Variants in CKAP5 observed in about 807,000 individuals in gnomAD.
CKAP5 encodes cytoskeleton associated protein 5.
Under a neutral mutation model 232.8 loss-of-function variants are expected in CKAP5, and 27 were observed. The ratio of observed to expected loss-of-function variants is 0.12; its 90% CI spans 0.09 to 0.16. The LOEUF (loss-of-function observed/expected upper bound fraction) is 0.16. Ranked by LOEUF, CKAP5 falls within the 10% of genes least tolerant of loss-of-function variation. The pLI, the probability that CKAP5 is intolerant of heterozygous loss-of-function variation, is 1.00. For synonymous variants in CKAP5, 785 were observed against 841.1 expected (o/e 0.93, Z 1.16); for missense variants, 1,838 against 2,424.7 (o/e 0.76, Z 5.08).
At position 46,845,394 on chromosome 11, in the gene CKAP5, T is replaced by C. The variant is rs73456194; in HGVS notation, c.-38+826A>G. Among the ~76,000 whole-genome samples, 295 of 152,314 alleles carry C rather than the reference T, an allele frequency of 1.9e-3. 1 individual carries two copies. The highest frequency in any genetic ancestry group is 6.8e-3 in the African/African-American group (284 of 41,570). Reference sequence around the variant, plus strand: ...ATAAAAAACTCATTGTTAAGATTCATCAACACGAATATATTTTCTAACACA... The same window carrying C: ...ATAAAAAACTCATTGTTAAGATTCACCAACACGAATATATTTTCTAACACA... On this transcript the variant is annotated intron_variant, in intron 1 of 43. Transcript: ENST00000529230.
intron 37 of CKAP5, 81 bp from the exon 38 acceptor site, chr11:46,752,791 G>T: frequency 9.9e-7 from 1 of 1,015,004 alleles, no homozygotes; most frequent in Non-Finnish European, 1.5e-6. Context: ...GGGCAAGTGA[G>T]ATTACTCTAT....
Position 46,821,259 on chromosome 11 carries a change from A to G in CKAP5, c.-28T>C. Reference sequence around the variant, plus strand: ...TGCTTCCAGGTTTTCCTTAGAATTAAGAGTATTTCCTGGTCAGATAAAGGT... The same window carrying G: ...TGCTTCCAGGTTTTCCTTAGAATTAGGAGTATTTCCTGGTCAGATAAAGGT... On this transcript the variant is annotated 5_prime_UTR_variant, in exon 2 of 44. Transcript: ENST00000529230. 1.3e-6 allele frequency: 2 copies of G among 1,576,180 alleles called. No individual in the cohort carries two copies. Among genetic ancestry groups the G allele is most frequent in the Non-Finnish European group, 1.7e-6 (2 of 1,146,044 alleles).
At position 46,804,889 on chromosome 11, in the gene CKAP5, G is replaced by A. The variant is rs1349754061; in HGVS notation, c.978+3142C>T. Among the ~76,000 whole-genome samples the A allele has an allele frequency of 5.3e-5, 8 of 151,508 alleles. No individual in the cohort carries two copies. The East Asian group carries it at 1.4e-3, about 26-fold the overall frequency. ...AAAAATCAAATGTCCATAGGCATAGGCACATGACAAAATCAAAGAAGCGAT... is the reference window on the plus strand; with the variant it reads ...AAAAATCAAATGTCCATAGGCATAGACACATGACAAAATCAAAGAAGCGAT... On this transcript the variant is annotated intron_variant, in intron 8 of 43. Transcript: ENST00000529230.
chr11:46,793,775 T>A (rs909783276), intron 13 of CKAP5, among the ~76,000 whole-genome samples: 1 of 151,872 alleles, frequency 6.6e-6, no homozygotes, highest in African/African-American at 2.4e-5. Context: ...ATAGAAAAAA[T>A]TAGCTGGGCA....
In CKAP5 at chr11:46,778,445, C is replaced by G. The variant is rs536330232; in HGVS notation, c.2573+15G>C. On this transcript the variant is annotated intron_variant, in intron 21 of 43. Transcript: ENST00000529230. Reference sequence around the variant, plus strand: ...ACAATGAATGAAATAAACCATTTCACAGACTGGAACCTACCTGATCTCCGT... The same window carrying G: ...ACAATGAATGAAATAAACCATTTCAGAGACTGGAACCTACCTGATCTCCGT... 9.9e-6 allele frequency: 16 copies of G among 1,613,590 alleles called. No individual in the cohort carries two copies. The African/African-American group carries it at 2.0e-4, about 20-fold the overall frequency.
At chr11:46,776,177 C>T (rs1033475034) in intron 24 of CKAP5, 78 bp downstream of exon 24, 81 of 1,178,686 alleles carry the variant, frequency 6.9e-5, no homozygotes, top group African/African-American at 1.1e-4. Context: ...ACCATAAATG[C>T]GTATTTATCA....
intron 13 of CKAP5, among the ~76,000 whole-genome samples, chr11:46,793,318 G>A (rs1046833776): frequency 6.6e-6 from 1 of 152,214 alleles, no homozygotes; most frequent in African/African-American, 2.4e-5. Context: ...CTAACTCCAT[G>A]CTGAGTGGTT....
rs1470260876 is a variant in CKAP5 at position 46,809,725 on chromosome 11, G to A, written c.763+17C>T. On this transcript the variant is annotated intron_variant, in intron 6 of 43. Transcript: ENST00000529230. ...CTTGCTAATTTTTGCAGAAACCGGT[G>A]TTTAAAATTGGCTTACCTCCTTCAG... The A allele has an allele frequency of 6.2e-7, 1 of 1,613,434 alleles. No homozygotes were observed. Among genetic ancestry groups the A allele is most frequent in the Non-Finnish European group, 8.5e-7 (1 of 1,179,858 alleles).
At chr11:46,842,742 C>T (rs1437939491) in intron 1 of CKAP5, among the ~76,000 whole-genome samples, 9 of 147,628 alleles carry the variant, frequency 6.1e-5, no homozygotes, top group South Asian at 2.2e-4. Flanking sequence ...CCGAGGCGGG[C>T]GGATCACGAG....
chr11:46,807,314 A>C (rs186684876), intron 8 of CKAP5, among the ~76,000 whole-genome samples: 1 of 152,204 alleles, frequency 6.6e-6, no homozygotes, highest in Non-Finnish European at 1.5e-5. Flanking sequence ...TAACTACTAC[A>C]AGTAATGACT....
intron 13 of CKAP5, among the ~76,000 whole-genome samples, chr11:46,792,927 T>A (rs553346621): frequency 9.2e-5 from 14 of 152,262 alleles, no homozygotes; most frequent in Admixed American, 2.0e-4. Context: ...GGAGACAGCA[T>A]AATGTGAAAG....
At position 46,804,742 on chromosome 11, in the gene CKAP5, G is replaced by A. The variant is rs186686012; in HGVS notation, c.978+3289C>T. On this transcript the variant is annotated intron_variant, in intron 8 of 43. Coordinates refer to ENST00000529230, the MANE Select transcript of CKAP5 (RefSeq NM_001008938.4). ...TGATGAAAACAAGCAATAATTAAGG[G>A]GGGAAAAGTAGAAAGAACAAGTGAA... Among the ~76,000 whole-genome samples the A allele has an allele frequency of 1.3e-4, 20 of 151,704 alleles. No individual in the cohort carries two copies. The South Asian group carries it at 3.3e-3, about 25-fold the overall frequency.
rs35341553 is a variant in CKAP5 at position 46,828,574 on chromosome 11, GTATGACCAA to G, written c.-37-7315_-37-7307del. On this transcript the variant is annotated intron_variant, in intron 1 of 43. Transcript: ENST00000529230. The stretch of plus-strand genomic sequence containing the variant: ...ACCCAACAAATATTTATCACAAGAG[GTATGACCAA>G]CATTTTCTGTTACATAGCATTCTAG... 8.4e-3 allele frequency among the ~76,000 whole-genome samples: 1,283 copies of G among 152,236 alleles called. 5 individuals are homozygous for G. Among genetic ancestry groups the G allele is most frequent in the Admixed American group, 0.015 (232 of 15,294 alleles).
intron 1 of CKAP5, among the ~76,000 whole-genome samples, chr11:46,829,838 ATGTGTGTGTGTGTGTGTGTGTGTGTG>A (rs57602333): frequency 4.9e-5 from 7 of 143,130 alleles, no homozygotes; most frequent in South Asian, 2.3e-4. Context: ...CCTTTTTTGT[ATGTGTGTGTGTGTGTGTGTGTGTGTG>A]TGTGTGTGTG....
chr11:46,746,150 A>C (rs187268930), intron 42 of CKAP5, among the ~76,000 whole-genome samples: 7 of 152,286 alleles, frequency 4.6e-5, no homozygotes, highest in Non-Finnish European at 1.0e-4. Context: ...ACACATTCTC[A>C]AATGTAAGAG....
At position 46,751,225 on chromosome 11, in the gene CKAP5, T is replaced by G; in HGVS notation, c.5353A>C (p.Lys1785Gln). The change falls in exon 40 of 44, where the codon AAA (lysine) becomes CAA (glutamine). Residue 1785 changes from lysine (K) to glutamine (Q), a missense_variant. Around this residue, in one of 6 missense-constraint regions of CKAP5, gnomAD observed 579 missense variants for 843.2 expected, o/e 0.69. Coordinates refer to ENST00000529230, the MANE Select transcript of CKAP5 (RefSeq NM_001008938.4). ...TGGGCCTCCAGCTCAGACTCGTTTT[T>G]GTTGTCGATCATCGTTAGGTGGTCC... ...ILDHLTMIDN[K>Q]NESELEAHLC... 6.2e-7 allele frequency: 1 copy of G among 1,614,222 alleles called. No homozygotes were observed. The highest frequency in any genetic ancestry group is 8.5e-7 in the Non-Finnish European group (1 of 1,180,032).
At chr11:46,814,476 C>T (rs1290419749) in intron 4 of CKAP5, among the ~76,000 whole-genome samples, 1 of 152,024 alleles carries the variant, frequency 6.6e-6, no homozygotes, top group African/African-American at 2.4e-5. Context: ...AAGATAAACA[C>T]CAAAGGAAAC....
chr11:46,794,184 C>A (rs1938813174), intron 13 of CKAP5, among the ~76,000 whole-genome samples: 1 of 152,276 alleles, frequency 6.6e-6, no homozygotes, highest in East Asian at 1.9e-4. Context: ...AGCCTGGGGG[C>A]AGTGGCTCAG....
At chr11:46,772,091 T>A (rs2134608380) in intron 24 of CKAP5, among the ~76,000 whole-genome samples, 1 of 151,246 alleles carries the variant, frequency 6.6e-6, no homozygotes, top group East Asian at 1.9e-4. Context: ...TGGAGTGCAA[T>A]GGCATGATCT....
Sources: allele counts gnomAD v4.1 joint callset (sites outside exome capture counted in the v4.1 genomes callset), GRCh38; gene constraint gnomAD v4.1.1; regional missense constraint gnomAD v4.1.1; transcripts MANE v1.5; gene names NCBI Gene and HGNC (gene_info 2026-07-23, HGNC 2026-07-21).